Variants in TMEM266 observed in about 807,000 individuals in gnomAD.
TMEM266 encodes transmembrane protein 266, also known as Hv1 related protein 1.
TMEM266 carries 33 observed loss-of-function variants against 50.5 expected under a neutral mutation model. The observed-to-expected ratio is 0.65, with a 90% CI of 0.50 to 0.87. The LOEUF (loss-of-function observed/expected upper bound fraction) is 0.87. Among genes scored for constraint, TMEM266 ranks in the 40% least tolerant of loss-of-function variants. TMEM266 has a pLI of 0.00. For synonymous variants in TMEM266, 310 were observed against 292.3 expected (o/e 1.06, Z -0.62); for missense variants, 655 against 695.1 (o/e 0.94, Z 0.65).
chr15:76,156,910 C>T (rs759751494), intron 4 of TMEM266, 152 bp downstream of exon 4: 58 of 766,606 alleles, frequency 7.6e-5, no homozygotes, highest in African/African-American at 6.9e-4. Context: ...TGGGGATGGC[C>T]GCTGGGGAGG....
intron 1 of TMEM266, among the ~76,000 whole-genome samples, chr15:76,087,123 G>A (rs924286): frequency 0.82 from 125,052 of 152,056 alleles, 51,537 homozygotes; most frequent in Admixed American, 0.87. Flanking sequence ...CAAACTGTAT[G>A]CTTAAAATGT....
chr15:76,180,361 C>T (rs1385496555), intron 8 of TMEM266, among the ~76,000 whole-genome samples: 3 of 152,022 alleles, frequency 2.0e-5, no homozygotes, highest in South Asian at 2.1e-4. Context: ...GAGCACTGGT[C>T]GGGTGTTTTT....
chr15:76,187,390 T>A (rs1241879047), intron 8 of TMEM266, among the ~76,000 whole-genome samples: 1 of 152,214 alleles, frequency 6.6e-6, no homozygotes, highest in African/African-American at 2.4e-5. Flanking sequence ...CAGGCCTCGA[T>A]GAGTGGCCTT....
At chr15:76,158,461 C>T (rs1341153130) in intron 4 of TMEM266, among the ~76,000 whole-genome samples, 2 of 152,154 alleles carry the variant, frequency 1.3e-5, no homozygotes, top group African/African-American at 2.4e-5. Context: ...TTCCCCGTGG[C>T]GGATTGTCCT....
chr15:76,120,456 A>G (rs2037323043), intron 1 of TMEM266, among the ~76,000 whole-genome samples: 1 of 152,144 alleles, frequency 6.6e-6, no homozygotes, highest in African/African-American at 2.4e-5. Context: ...TTATATAAGC[A>G]CAAAGAAAAG....
At chr15:76,156,911 G>A (rs767865336) in intron 4 of TMEM266, among the ~76,000 whole-genome samples, 153 bp downstream of exon 4, 1 of 152,158 alleles carries the variant, frequency 6.6e-6, no homozygotes, top group Non-Finnish European at 1.5e-5. Flanking sequence ...GGGGATGGCC[G>A]CTGGGGAGGA....
chr15:76,063,985 G>A (rs1412618928), intron 1 of TMEM266, among the ~76,000 whole-genome samples: 1 of 152,214 alleles, frequency 6.6e-6, no homozygotes, highest in African/African-American at 2.4e-5. Context: ...TCACCTGAGG[G>A]TTGGGATGTG....
intron 1 of TMEM266, among the ~76,000 whole-genome samples, chr15:76,126,160 A>G (rs567749157): frequency 6.6e-6 from 1 of 152,030 alleles, no homozygotes; most frequent in East Asian, 1.9e-4. Flanking sequence ...ATGCTCCTCA[A>G]AAAACTCAAA....
intron 1 of TMEM266, among the ~76,000 whole-genome samples, chr15:76,077,178 TG>T (rs1260666981): frequency 6.6e-6 from 1 of 152,050 alleles, no homozygotes; most frequent in Non-Finnish European, 1.5e-5. Context: ...TTGCCCAGGC[TG>T]GTCTCGAACT....
intron 4 of TMEM266, among the ~76,000 whole-genome samples, chr15:76,157,453 T>A (rs2037944388): frequency 6.6e-6 from 1 of 152,236 alleles, no homozygotes; most frequent in East Asian, 1.9e-4. Flanking sequence ...GGCATTTGTC[T>A]TAGTTTCACG....
intron 1 of TMEM266, among the ~76,000 whole-genome samples, chr15:76,073,995 G>A (rs949997060): frequency 6.6e-6 from 1 of 152,108 alleles, no homozygotes; most frequent in Non-Finnish European, 1.5e-5. Flanking sequence ...GATTTTGTTT[G>A]TAGTCGAATA....
chr15:76,067,034 C>A (rs543459489), intron 1 of TMEM266, among the ~76,000 whole-genome samples: 1 of 152,230 alleles, frequency 6.6e-6, no homozygotes, highest in African/African-American at 2.4e-5. Flanking sequence ...TGCCAAATGT[C>A]CCCTAGGGTG....
chr15:76,162,513 C>T (rs2038034024), intron 5 of TMEM266, among the ~76,000 whole-genome samples: 2 of 152,218 alleles, frequency 1.3e-5, no homozygotes, highest in Admixed American at 1.3e-4. Flanking sequence ...TAGGAAGGGC[C>T]AGGAGAGCTC....
chr15:76,110,476 A>T (rs1489423108), intron 1 of TMEM266, among the ~76,000 whole-genome samples: 1 of 152,008 alleles, frequency 6.6e-6, no homozygotes, highest in Non-Finnish European at 1.5e-5. Flanking sequence ...ACGTTAGTGT[A>T]TTTTATGTGT....
At chr15:76,072,125 A>G (rs1403197211) in intron 1 of TMEM266, among the ~76,000 whole-genome samples, 1 of 152,128 alleles carries the variant, frequency 6.6e-6, no homozygotes, top group Non-Finnish European at 1.5e-5. Context: ...TCCAAAGATG[A>G]CATTCCAAGT....
In TMEM266 at chr15:76,203,963, G is replaced by T. The variant is rs373954795; in HGVS notation, c.1244G>T (p.Arg415Leu). 3 of 1,611,818 alleles carry T rather than the reference G, an allele frequency of 1.9e-6. No homozygotes were observed. The highest frequency in any genetic ancestry group is 2.7e-5 in the African/African-American group (2 of 74,882). Residue 415 changes from arginine (R) to leucine (L), a missense_variant, in exon 11 of 11, where the codon CGC becomes CTC. By Grantham distance (102) the Arg-to-Leu change is moderately radical (BLOSUM62 -2). Coordinates refer to ENST00000388942, the MANE Select transcript of TMEM266 (RefSeq NM_152335.3). ...TCCTCCATGGACTGCAGCACTGCCC[G>T]CGAGGAGCCGTCCTCTGAGCCCGGC...
chr15:76,100,459 T>C (rs2036985790), intron 1 of TMEM266, among the ~76,000 whole-genome samples: 1 of 152,224 alleles, frequency 6.6e-6, no homozygotes. Context: ...TCTCCCCTCC[T>C]TAGAACCCAC....
intron 6 of TMEM266, among the ~76,000 whole-genome samples, chr15:76,170,484 C>T (rs1036610111): frequency 3.3e-5 from 5 of 152,246 alleles, no homozygotes; most frequent in East Asian, 1.9e-4. Context: ...GGCAGGCGGA[C>T]GGAAGGGCAG....
chr15:76,077,958 T>G (rs1218751106), intron 1 of TMEM266, among the ~76,000 whole-genome samples: 1 of 152,080 alleles, frequency 6.6e-6, no homozygotes, highest in Non-Finnish European at 1.5e-5. Flanking sequence ...ACCCAATACT[T>G]TAGCCAAGGT....
Sources: gnomAD v4.1 joint callset for allele counts (sites outside exome capture counted in the v4.1 genomes callset) on GRCh38, gnomAD v4.1.1 for gene constraint, MANE v1.5 for transcripts, NCBI Gene and HGNC (gene_info 2026-07-23, HGNC 2026-07-21) for gene names.